Variants in RNF14 observed in about 807,000 individuals in gnomAD.
RNF14 encodes E3 ubiquitin-protein ligase RNF14.
A neutral mutation model predicts 52.6 loss-of-function variants in RNF14; 26 were observed. The ratio of observed to expected loss-of-function variants is 0.49; its 90% CI spans 0.36 to 0.69. The LOEUF is 0.69. Ranked by LOEUF, RNF14 falls within the 30% of genes least tolerant of loss-of-function variation. The probability of loss-of-function intolerance (pLI) is 0.00; values close to 1 mark genes in which losing one functional copy is unlikely to be tolerated. For synonymous variants in RNF14, 194 were observed against 202.0 expected (o/e 0.96, Z 0.34); for missense variants, 404 against 560.4 (o/e 0.72, Z 2.82).
chr5:141,971,678 G>T (rs1165598632), intron 2 of RNF14, among the ~76,000 whole-genome samples: 2 of 122,664 alleles, frequency 1.6e-5, no homozygotes, highest in East Asian at 4.3e-4. Context: ...GTCTGTCTCT[G>T]TCACCCAGGC....
intron 6 of RNF14, among the ~76,000 whole-genome samples, chr5:141,982,891 A>G (rs1157720117): frequency 6.6e-6 from 1 of 152,252 alleles, no homozygotes; most frequent in Admixed American, 6.5e-5. Flanking sequence ...TGTCTTCTAG[A>G]TAAGTCAGTC....
upstream of RNF14, among the ~76,000 whole-genome samples, chr5:141,967,147 C>G (rs1753370611): frequency 6.6e-6 from 1 of 152,126 alleles, no homozygotes; most frequent in African/African-American, 2.4e-5. Flanking sequence ...GCCAGGTAAT[C>G]CCTTGGGTGC....
At position 141,980,440 on chromosome 5, in the gene RNF14, A is replaced by T. The variant is rs963868535; in HGVS notation, c.1063+89A>T. 5.4e-6 allele frequency: 5 copies of T among 933,434 alleles called. No homozygotes were observed. In the Admixed American group the frequency reaches 1.1e-4, roughly 20 times the overall value. 57.8% of individuals were successfully genotyped at this position (933,434 alleles called of 1,614,324 possible). Reference sequence around the variant, plus strand: ...CCAGGGCCTTATGACTTCATTCTTCAATTTGGAAGTATTCATTTAGCAGAT... The same window carrying T: ...CCAGGGCCTTATGACTTCATTCTTCTATTTGGAAGTATTCATTTAGCAGAT... On this transcript the variant is annotated intron_variant, in intron 6 of 8. Coordinates refer to ENST00000394520, the MANE Select transcript of RNF14 (RefSeq NM_004290.5).
the RNF14 span, chr5:141,949,671 C>A: frequency 6.7e-7 from 1 of 1,491,844 alleles, no homozygotes; most frequent in Non-Finnish European, 9.1e-7. Flanking sequence ...ATTCATTTAC[C>A]CATATAGGGA....
At chr5:141,964,079 T>C (rs1362555172), upstream of RNF14, among the ~76,000 whole-genome samples, 3 of 152,234 alleles carry the variant, frequency 2.0e-5, no homozygotes, top group African/African-American at 4.8e-5. Context: ...GTGCCTATTA[T>C]TGTAAATCAA....
chr5:141,980,274 G>A lies in RNF14; in HGVS notation c.986G>A (p.Cys329Tyr). ...GAACCTGGCTGCACCATGGGTATCT[G>A]CTCCAGCTGCAATTTTGCCTTCTGT... ...MQEPGCTMGI[C>Y]SSCNFAFCTL... The change falls in exon 6 of 9, where the codon TGC becomes TAC. Residue 329 changes from cysteine to tyrosine, a missense_variant. Coordinates refer to ENST00000394520, the MANE Select transcript of RNF14 (RefSeq NM_004290.5). 6.2e-7 allele frequency: 1 copy of A among 1,614,242 alleles called. No homozygotes were observed. Among genetic ancestry groups the A allele is most frequent in the South Asian group, 1.1e-5 (1 of 91,088 alleles).
chr5:141,952,790 TA>T, the RNF14 span: 1 of 152,244 alleles, frequency 6.6e-6, no homozygotes, highest in African/African-American at 2.4e-5. Context: ...TTGAAAAAGT[TA>T]AAAATCCTCT....
At chr5:141,980,454 C>A in intron 6 of RNF14, 103 bp downstream of exon 6, 1 of 847,584 alleles carries the variant, frequency 1.2e-6, no homozygotes, top group Non-Finnish European at 1.9e-6. Context: ...TGGAAGTATT[C>A]ATTTAGCAGA....
In RNF14 at chr5:141,983,424, G is replaced by A. The variant is rs1188917134; in HGVS notation, c.1108G>A (p.Ala370Thr). 6.2e-7 allele frequency: 1 copy of A among 1,613,652 alleles called. No homozygotes were observed. The highest frequency in any genetic ancestry group is 8.5e-7 in the Non-Finnish European group (1 of 1,179,854). ...LRNEYLQADE[A>T]NKRLLDQRYG... The stretch of plus-strand genomic sequence containing the variant: ...AAATGAATACCTGCAAGCGGATGAG[G>A]CTAATAAAAGACTTTTGGATCAAAG... The change falls in exon 7 of 9, where the codon GCT becomes ACT. Residue 370 changes from alanine to threonine, a missense_variant. Transcript: ENST00000394520.
intron 4 of RNF14, 46 bp from the exon 5 acceptor site, chr5:141,978,257 C>A (rs773300346): frequency 6.7e-6 from 10 of 1,499,322 alleles, no homozygotes; most frequent in Non-Finnish European, 9.0e-6. Context: ...TTGGCAGCAG[C>A]ATCATCTTTC....
At chr5:141,955,990 A>G (rs765468804), upstream of RNF14, 18 of 1,613,970 alleles carry the variant, frequency 1.1e-5, no homozygotes, top group African/African-American at 4.0e-5. This position sits in a 1 kb window ranked among gnomAD's most constrained non-coding sequence, Gnocchi z 5.5. Context: ...TCTTGCCACA[A>G]TGGTTGTCAA....
At chr5:141,984,596 T>G (rs1207322699) in intron 7 of RNF14, among the ~76,000 whole-genome samples, 1 of 152,206 alleles carries the variant, frequency 6.6e-6, no homozygotes, top group Non-Finnish European at 1.5e-5. Flanking sequence ...AAGTAACTAA[T>G]TGTAGTAACA....
rs1754105920 is a variant in RNF14, at chr5:141,974,831, G to A, written c.182G>A (p.Ser61Asn). The change falls in exon 4 of 9, where the codon AGT (serine) becomes AAT (asparagine). Residue 61 changes from serine (S) to asparagine (N), a missense_variant. By Grantham distance (46) the Ser-to-Asn change is conservative. Coordinates refer to ENST00000394520, the MANE Select transcript of RNF14 (RefSeq NM_004290.5). ...SGNSNECLQN[S>N]GFEYTICFLP... ...AATTCAAATGAGTGTCTCCAGAATA[G>A]TGGCTTTGAATACACCATTTGCTTT... 6.2e-7 allele frequency: 1 copy of A among 1,613,986 alleles called. No homozygotes were observed. The highest frequency in any genetic ancestry group is 1.1e-5 in the South Asian group (1 of 91,066).
intron 6 of RNF14, chr5:141,981,689 A>C (rs1754794676): frequency 6.6e-6 from 1 of 151,664 alleles, no homozygotes; most frequent in South Asian, 2.1e-4. Context: ...CCGTGTCTAC[A>C]AAAAAATACA....
upstream of RNF14, chr5:141,953,499 G>C (rs1753123350): frequency 6.6e-6 from 1 of 151,946 alleles, no homozygotes; most frequent in African/African-American, 2.4e-5. Context: ...TAGTGGGAGG[G>C]CTGGAATTTA....
chr5:141,978,813 G>A lies in RNF14; in HGVS notation c.817G>A (p.Val273Met). The change falls in exon 5 of 9, where the codon GTG (valine) becomes ATG (methionine). Residue 273 changes from valine (V) to methionine (M), a missense_variant. Transcript: ENST00000394520. ...CTGCCCAGAACCAAAGTGCCCTTCGGTGGCCACTCCTGGTCAGGTAACTGT... is the reference window on the plus strand; with the variant it reads ...CTGCCCAGAACCAAAGTGCCCTTCGATGGCCACTCCTGGTCAGGTAACTGT... ...LNCPEPKCPS[V>M]ATPGQVKELV... 3 of 1,613,740 alleles carry A rather than the reference G, an allele frequency of 1.9e-6. No homozygotes were observed. The highest frequency in any genetic ancestry group is 2.5e-6 in the Non-Finnish European group (3 of 1,179,666).
At chr5:141,987,022 G>C (rs540172381) in intron 8 of RNF14, among the ~76,000 whole-genome samples, 1 of 152,292 alleles carries the variant, frequency 6.6e-6, no homozygotes, top group South Asian at 2.1e-4. Context: ...CATGGTCAGT[G>C]GTCTATTGGC....
chr5:141,977,863 C>G (rs1754402608), intron 4 of RNF14, among the ~76,000 whole-genome samples: 1 of 152,128 alleles, frequency 6.6e-6, no homozygotes, highest in Non-Finnish European at 1.5e-5. Context: ...CTTTTTCTAA[C>G]CATTATTCTA....
rs921064516 is a variant in RNF14, at chr5:141,988,833, A to G, written c.*1043A>G. 6.6e-6 allele frequency: 1 copy of G among 152,332 alleles called. No homozygotes were observed. Among genetic ancestry groups the G allele is most frequent in the African/African-American group, 2.4e-5 (1 of 41,450 alleles). 9.4% of individuals were successfully genotyped at this position (152,332 alleles called of 1,614,324 possible). A position where few individuals can be genotyped will look rare whatever the true frequency, so the allele number is the denominator to read the frequency against. On this transcript the variant is annotated 3_prime_UTR_variant, in exon 9 of 9. Coordinates refer to ENST00000394520, the MANE Select transcript of RNF14 (RefSeq NM_004290.5). ...TTTTAAAGATCTTCTCTAACAAGCT[A>G]TGGGAATTTGGCTTCATACTCTTTC...
Sources: gnomAD v4.1 joint callset for allele counts (sites outside exome capture counted in the v4.1 genomes callset) on GRCh38, gnomAD v4.1.1 for gene constraint, Gnocchi (gnomAD v3.1) non-coding constraint, MANE v1.5 for transcripts, NCBI Gene and HGNC (gene_info 2026-07-23, HGNC 2026-07-21) for gene names.